Variants in SPTAN1 observed in about 807,000 individuals in gnomAD.
The protein encoded by SPTAN1 is spectrin alpha, non-erythrocytic 1, also known as spectrin alpha chain, non-erythrocytic 1.
In SPTAN1, 61 loss-of-function variants were observed where a neutral mutation model predicts 331.3. That is an observed-to-expected ratio of 0.18 (90% CI 0.15 to 0.23). SPTAN1 has a LOEUF of 0.23. SPTAN1 is among the 10% of genes least tolerant of loss of function. The pLI is 1.00. For synonymous variants in SPTAN1, 1,153 were observed against 1,173.9 expected (o/e 0.98, Z 0.36); for missense variants, 2,043 against 3,147.9 (o/e 0.65, Z 8.40).
chr9:128,629,202 T>C lies in SPTAN1; in HGVS notation c.6708-1119T>C, dbSNP rs551805031. The C allele has an allele frequency of 4.3e-5, 17 of 398,662 alleles. No individual in the cohort carries two copies. The South Asian group carries it at 1.0e-3, about 24-fold the overall frequency. The allele number at this position is 398,662 out of a possible 1,614,324, so 24.7% of individuals were successfully genotyped here. On this transcript the variant is annotated intron_variant, in intron 51 of 56. Coordinates refer to ENST00000372739, the MANE Select transcript of SPTAN1 (RefSeq NM_001130438.3). The surrounding 1 kb of genome is among the most constrained non-coding windows in gnomAD (Gnocchi z 4.9). ...CTGTCTGGAAGGTTTTTCTCCTTAT[T>C]TCTCTTCTTACCTCACTGTGGCTTT...
chr9:128,594,428 G>GTT, intron 24 of SPTAN1, 55 bp downstream of exon 24: 162 of 600,592 alleles, frequency 2.7e-4, no homozygotes, highest in Non-Finnish European at 3.7e-4. Flanking sequence ...TGAGTCTCTT[G>GTT]ATTTTTTTTT....
At chr9:128,558,920 T>G (rs890857911) in intron 1 of SPTAN1, among the ~76,000 whole-genome samples, 1 of 152,180 alleles carries the variant, frequency 6.6e-6, no homozygotes, top group Admixed American at 6.5e-5. Context: ...GAAATGACCC[T>G]TTTAGGAGCA....
intron 2 of SPTAN1, 56 bp downstream of exon 2, chr9:128,567,033 C>G: frequency 6.2e-7 from 1 of 1,610,830 alleles, no homozygotes; most frequent in Non-Finnish European, 8.5e-7. Context: ...ATGTTCTTAC[C>G]CAAAAATCAG....
intron 27 of SPTAN1, among the ~76,000 whole-genome samples, chr9:128,602,455 G>A (rs1589286612): frequency 6.6e-6 from 1 of 152,038 alleles, no homozygotes; most frequent in East Asian, 1.9e-4. Context: ...AACCTCACCT[G>A]ATCCACCCGC....
chr9:128,628,305 TC>T (rs1859112896), intron 51 of SPTAN1: 1 of 408,326 alleles, frequency 2.4e-6, no homozygotes, highest in Admixed American at 3.3e-5. Flanking sequence ...CACCTCTGCT[TC>T]CCCAGCGAGT....
intron 37 of SPTAN1, among the ~76,000 whole-genome samples, chr9:128,610,691 G>A (rs369036039): frequency 6.6e-6 from 1 of 151,976 alleles, no homozygotes; most frequent in Non-Finnish European, 1.5e-5. Context: ...AGTACCTTCT[G>A]TTTCTTTATG....
intron 27 of SPTAN1, 23 bp downstream of exon 27, chr9:128,600,138 T>C (rs763263796): frequency 1.1e-5 from 18 of 1,613,412 alleles, no homozygotes; most frequent in Admixed American, 5.0e-5. Context: ...TTGCAAATTA[T>C]TGTTTTCAAG....
chr9:128,583,856 C>T lies in SPTAN1; in HGVS notation c.2080C>T (p.Leu694=), dbSNP rs776740448. ...NRNVEDIELW[L]YEVEGHLASD... ...CAATGTTGAGGATATTGAATTGTGGCTATATGAAGTAGAAGGTCACTTGGC... is the reference window on the plus strand; with the variant it reads ...CAATGTTGAGGATATTGAATTGTGGTTATATGAAGTAGAAGGTCACTTGGC... The change falls in exon 16 of 57, where the codon CTA becomes TTA. Residue 694 remains leucine (L), a synonymous_variant. Transcript: ENST00000372739. The T allele has an allele frequency of 1.9e-6, 3 of 1,614,146 alleles. No homozygotes were observed. The highest frequency in any genetic ancestry group is 2.5e-6 in the Non-Finnish European group (3 of 1,180,018).
intron 31 of SPTAN1, 116 bp downstream of exon 31, chr9:128,605,593 A>C: frequency 4.4e-6 from 6 of 1,379,178 alleles, no homozygotes; most frequent in Non-Finnish European, 6.0e-6. Context: ...CCTATAATCC[A>C]AGCACTTTGG....
intron 51 of SPTAN1, chr9:128,628,383 C>T: frequency 2.8e-6 from 1 of 361,910 alleles, no homozygotes; most frequent in South Asian, 2.1e-5. Flanking sequence ...ACAGTAAGTC[C>T]ACAGCTGAGA....
chr9:128,633,648 A>ATGAC lies in SPTAN1; in HGVS notation c.*316_*319dup. On this transcript the variant is annotated 3_prime_UTR_variant, in exon 57 of 57. Transcript: ENST00000372739. Reference sequence around the variant, plus strand: ...TTTTCATGTAAAAGACAAATAAATGATGACTTCCCCCAAAGCTTTGCTTTT... The same window carrying ATGAC: ...TTTTCATGTAAAAGACAAATAAATGATGACTGACTTCCCCCAAAGCTTTGCTTTT... 1.4e-6 allele frequency: 2 copies of ATGAC among 1,399,020 alleles called. No homozygotes were observed. Among genetic ancestry groups the ATGAC allele is most frequent in the Non-Finnish European group, 2.0e-6 (2 of 1,023,830 alleles). 86.7% of individuals were successfully genotyped at this position (1,399,020 alleles called of 1,614,324 possible). A position where few individuals can be genotyped will look rare whatever the true frequency, so the allele number is the denominator to read the frequency against.
Position 128,605,127 on chromosome 9 carries a change from G to C in SPTAN1, c.3813G>C (p.Leu1271=). 1 of 1,613,870 alleles carries C rather than the reference G, an allele frequency of 6.2e-7. No homozygotes were observed. Among genetic ancestry groups the C allele is most frequent in the Non-Finnish European group, 8.5e-7 (1 of 1,180,002 alleles). ...YGHDLASVQA[L]QRKHEGFERD... ...ATGATCTCGCCAGTGTCCAGGCCCTGCAACGCAAGCATGAGGGCTTCGAGA... is the reference window on the plus strand; with the variant it reads ...ATGATCTCGCCAGTGTCCAGGCCCTCCAACGCAAGCATGAGGGCTTCGAGA... The change falls in exon 30 of 57, where the codon CTG becomes CTC. Residue 1271 remains leucine (L), a synonymous_variant. Coordinates refer to ENST00000372739, the MANE Select transcript of SPTAN1 (RefSeq NM_001130438.3).
chr9:128,556,840 T>C (rs1848690766), intron 1 of SPTAN1, among the ~76,000 whole-genome samples: 1 of 152,260 alleles, frequency 6.6e-6, no homozygotes, highest in Non-Finnish European at 1.5e-5. Context: ...CACTAAAATC[T>C]GCAGCTAAGC....
In SPTAN1 at chr9:128,598,074, G is replaced by A. The variant is rs143362484; in HGVS notation, c.3415-326G>A. Among the ~76,000 whole-genome samples the A allele has an allele frequency of 5.3e-4, 81 of 152,242 alleles. No homozygotes were observed. The East Asian group carries it at 0.015, about 28-fold the overall frequency. On this transcript the variant is annotated intron_variant, in intron 24 of 56. Transcript: ENST00000372739. ...AGCGATTCTCCTGCCTCAGCCTCCC[G>A]AGTAGCTGGGATTACAGGCATGGAC...
chr9:128,569,689 CT>C (rs1194825660), intron 3 of SPTAN1, among the ~76,000 whole-genome samples: 3 of 151,962 alleles, frequency 2.0e-5, no homozygotes, highest in Admixed American at 1.3e-4. Context: ...CTTTTCTAGT[CT>C]TTTACCTGTC....
At chr9:128,586,556 C>CT (rs1332411681) in intron 19 of SPTAN1, among the ~76,000 whole-genome samples, 1 of 152,130 alleles carries the variant, frequency 6.6e-6, no homozygotes, top group Non-Finnish European at 1.5e-5. Flanking sequence ...CATATGTGTG[C>CT]TTACATACAT....
intron 21 of SPTAN1, among the ~76,000 whole-genome samples, chr9:128,590,862 G>GA (rs1198855932): frequency 6.6e-6 from 1 of 151,828 alleles, no homozygotes; most frequent in Non-Finnish European, 1.5e-5. Context: ...ATAAAAAAGA[G>GA]TTCTAACTCA....
chr9:128,582,321 G>A (rs1454342590), intron 12 of SPTAN1, among the ~76,000 whole-genome samples, 158 bp from the exon 13 acceptor site: 1 of 9,980 alleles, frequency 1.0e-4, no homozygotes, highest in African/African-American at 1.3e-4. Context: ...AATCTCAAAA[G>A]TTATGAGAAA....
intron 43 of SPTAN1, 116 bp from the exon 44 acceptor site, chr9:128,618,755 T>C (rs1369303097): frequency 2.7e-6 from 4 of 1,492,930 alleles, no homozygotes; most frequent in Non-Finnish European, 1.9e-6. Flanking sequence ...AGTGCTGGGA[T>C]TGCAGGCATG....
Sources: gnomAD v4.1 joint callset for allele counts (sites outside exome capture counted in the v4.1 genomes callset) on GRCh38, gnomAD v4.1.1 for gene constraint, Gnocchi (gnomAD v3.1) non-coding constraint, MANE v1.5 for transcripts, NCBI Gene and HGNC (gene_info 2026-07-23, HGNC 2026-07-21) for gene names.